ENTREP2: variants seen among roughly 807,000 people sequenced by gnomAD.
ENTREP2 encodes protein ENTREP2.
At chr15:29,674,407 C>G in the ENTREP2 span, among the ~76,000 whole-genome samples, 1 of 152,048 alleles carries the variant, frequency 6.6e-6, no homozygotes, top group Non-Finnish European at 1.5e-5. Context: ...GTAGCTGGGA[C>G]TACAGGTGCC....
the ENTREP2 span, among the ~76,000 whole-genome samples, chr15:29,149,121 C>T: frequency 6.6e-6 from 1 of 152,182 alleles, no homozygotes; most frequent in South Asian, 2.1e-4. Context: ...AGGTGATCTG[C>T]CGGCCTCCCA....
At chr15:29,290,577 T>C in the ENTREP2 span, among the ~76,000 whole-genome samples, 1 of 152,194 alleles carries the variant, frequency 6.6e-6, no homozygotes, top group East Asian at 1.9e-4. Flanking sequence ...TTTGCCTCTT[T>C]TGTTCACTGT....
chr15:29,236,488 T>TA, the ENTREP2 span, among the ~76,000 whole-genome samples: 48 of 142,288 alleles, frequency 3.4e-4, no homozygotes, highest in South Asian at 6.6e-4. Flanking sequence ...CTATAAAACA[T>TA]AAAAAAAAAA....
At chr15:29,546,899 AACAAC>A in the ENTREP2 span, among the ~76,000 whole-genome samples, 6 of 48,732 alleles carry the variant, frequency 1.2e-4, no homozygotes, top group African/African-American at 1.8e-4. Context: ...AAAAAAAAAC[AACAAC>A]AAAAAAAAAA....
chr15:29,542,724 C>T, the ENTREP2 span, among the ~76,000 whole-genome samples: 1 of 152,206 alleles, frequency 6.6e-6, no homozygotes, highest in African/African-American at 2.4e-5. Flanking sequence ...ACTGCTCCCA[C>T]TGAACACTGC....
chr15:29,299,549 C>T, the ENTREP2 span, among the ~76,000 whole-genome samples: 1 of 152,164 alleles, frequency 6.6e-6, no homozygotes, highest in African/African-American at 2.4e-5. Context: ...TAGACATCCA[C>T]CTGGCTGGAC....
chr15:29,493,967 A>G, the ENTREP2 span, among the ~76,000 whole-genome samples: 1 of 152,076 alleles, frequency 6.6e-6, no homozygotes, highest in Non-Finnish European at 1.5e-5. Flanking sequence ...ATAGAGTGAG[A>G]CTCCATCTCA....
chr15:29,423,038 G>C, the ENTREP2 span, among the ~76,000 whole-genome samples: 5 of 152,108 alleles, frequency 3.3e-5, no homozygotes, highest in African/African-American at 9.7e-5. Flanking sequence ...TGGGTTCCAC[G>C]TCAACGAGGT....
the ENTREP2 span, among the ~76,000 whole-genome samples, chr15:29,300,851 C>T: frequency 6.6e-6 from 1 of 152,186 alleles, no homozygotes; most frequent in Non-Finnish European, 1.5e-5. Context: ...CCTGCCTGGG[C>T]CTCCCAAAGT....
the ENTREP2 span, among the ~76,000 whole-genome samples, chr15:29,503,585 G>A: frequency 3.9e-5 from 6 of 152,246 alleles, no homozygotes; most frequent in East Asian, 1.2e-3. Flanking sequence ...TGACTTGCAT[G>A]TTATGTGAAT....
At chr15:29,667,488 T>G in the ENTREP2 span, among the ~76,000 whole-genome samples, 3 of 75,174 alleles carry the variant, frequency 4.0e-5, no homozygotes, top group African/African-American at 2.2e-4. Context: ...GCGCCTGGCC[T>G]TTTTTTTTTT....
chr15:29,157,966 C>T, the ENTREP2 span, among the ~76,000 whole-genome samples: 1 of 152,126 alleles, frequency 6.6e-6, no homozygotes, highest in African/African-American at 2.4e-5. Context: ...ATCCAGCCGC[C>T]TTGGCCTCCC....
chr15:29,209,765 G>A, the ENTREP2 span, among the ~76,000 whole-genome samples: 1 of 152,102 alleles, frequency 6.6e-6, no homozygotes, highest in Admixed American at 6.5e-5. Context: ...TCTGCTCTCG[G>A]GGACTGAGTT....
chr15:29,615,357 T>G, the ENTREP2 span, among the ~76,000 whole-genome samples: 1 of 152,134 alleles, frequency 6.6e-6, no homozygotes, highest in East Asian at 1.9e-4. Flanking sequence ...GTTTTCACCA[T>G]GTTGGCCAGT....
the ENTREP2 span, among the ~76,000 whole-genome samples, chr15:29,535,957 C>G: frequency 6.6e-6 from 1 of 152,140 alleles, no homozygotes. Context: ...TCCCCAAAGG[C>G]AGGGAGGCAG....
the ENTREP2 span, among the ~76,000 whole-genome samples, chr15:29,451,087 T>C: frequency 6.6e-6 from 1 of 152,138 alleles, no homozygotes. Context: ...AAACCTGCAC[T>C]GAACCTAAAA....
At chr15:29,386,671 A>G in the ENTREP2 span, among the ~76,000 whole-genome samples, 1 of 152,144 alleles carries the variant, frequency 6.6e-6, no homozygotes, top group Non-Finnish European at 1.5e-5. Context: ...GGCCTCTGGG[A>G]GGTGATTAGG....
the ENTREP2 span, among the ~76,000 whole-genome samples, chr15:29,304,034 C>A: frequency 6.6e-6 from 1 of 152,094 alleles, no homozygotes; most frequent in East Asian, 1.9e-4. Context: ...ACAGCTGCCA[C>A]CATGCCCTGC....
At chr15:29,659,383 G>A in the ENTREP2 span, among the ~76,000 whole-genome samples, 2 of 152,128 alleles carry the variant, frequency 1.3e-5, no homozygotes, top group Non-Finnish European at 2.9e-5. Context: ...AGGCGGAAGA[G>A]TTGCTTGAAT....
Sources: gnomAD v4.1 joint callset for allele counts (sites outside exome capture counted in the v4.1 genomes callset) on GRCh38, gnomAD v4.1.1 for gene constraint, MANE v1.5 for transcripts, NCBI Gene and HGNC (gene_info 2026-07-23, HGNC 2026-07-21) for gene names.